Variants in ACBD3 observed in about 807,000 individuals in gnomAD.
The protein encoded by ACBD3 is Golgi resident protein GCP60.
A neutral mutation model predicts 66.9 loss-of-function variants in ACBD3; 30 were observed. The ratio of observed to expected loss-of-function variants is 0.45; its 90% CI spans 0.34 to 0.61. The LOEUF (loss-of-function observed/expected upper bound fraction) is 0.61, where lower values mean the gene tolerates loss of function less well. Ranked by LOEUF, ACBD3 falls within the 20% of genes least tolerant of loss-of-function variation. The probability of loss-of-function intolerance (pLI) is 0.02; values close to 1 mark genes in which losing one functional copy is unlikely to be tolerated. For missense variants in ACBD3, 544 were observed against 664.5 expected, an observed-to-expected ratio of 0.82 and a Z score of 1.99; for synonymous variants, 278 against 259.8, an observed-to-expected ratio of 1.07 and a Z score of -0.68.
intron 1 of ACBD3, among the ~76,000 whole-genome samples, chr1:226,184,974 A>G (rs563407966): frequency 1.3e-5 from 2 of 151,712 alleles, no homozygotes; most frequent in South Asian, 2.1e-4. Flanking sequence ...AAAAAAAAGG[A>G]ATTAGTTCAT....
intron 1 of ACBD3, among the ~76,000 whole-genome samples, chr1:226,171,121 G>T (rs1162666167): frequency 6.7e-6 from 1 of 150,320 alleles, no homozygotes; most frequent in Non-Finnish European, 1.5e-5. Flanking sequence ...TGAACTAGGC[G>T]CAGGGTCTTT....
intron 1 of ACBD3, among the ~76,000 whole-genome samples, chr1:226,171,953 T>C (rs1475164826): frequency 2.0e-5 from 3 of 151,364 alleles, no homozygotes; most frequent in African/African-American, 7.3e-5. Context: ...GTCAGGAGTT[T>C]GAGATCAGCC....
At chr1:226,158,686 G>C (rs963191631) in intron 5 of ACBD3, among the ~76,000 whole-genome samples, 2 of 152,228 alleles carry the variant, frequency 1.3e-5, no homozygotes, top group African/African-American at 4.8e-5. Flanking sequence ...GGGGCAGGCA[G>C]TTGGAGGAGG....
At chr1:226,179,230 T>C (rs1444830582) in intron 1 of ACBD3, among the ~76,000 whole-genome samples, 1 of 152,230 alleles carries the variant, frequency 6.6e-6, no homozygotes, top group Non-Finnish European at 1.5e-5. Flanking sequence ...AATCTTTGTA[T>C]AGTGCCTGCA....
At chr1:226,177,439 G>C (rs959952753) in intron 1 of ACBD3, among the ~76,000 whole-genome samples, 1 of 149,778 alleles carries the variant, frequency 6.7e-6, no homozygotes, top group Non-Finnish European at 1.5e-5. Flanking sequence ...TCGTAGATCC[G>C]CCTGCCTCAG....
intron 1 of ACBD3, among the ~76,000 whole-genome samples, chr1:226,173,639 A>G (rs1655918418): frequency 1.3e-5 from 2 of 151,994 alleles, no homozygotes; most frequent in Non-Finnish European, 2.9e-5. Context: ...TATGCAGACT[A>G]TTAGTATTAC....
chr1:226,177,675 C>T (rs774813210), intron 1 of ACBD3, among the ~76,000 whole-genome samples: 7 of 151,930 alleles, frequency 4.6e-5, no homozygotes, highest in Admixed American at 1.3e-4. Flanking sequence ...ACAGGTTGTC[C>T]GGTACACGTT....
Position 226,165,975 on chromosome 1 carries a change from T to C in ACBD3, c.312A>G (p.Pro104=). The change falls in exon 2 of 8, where the codon CCA becomes CCG. Residue 104 remains proline, a synonymous_variant. Transcript: ENST00000366812. ...CAAGCTTCAATTTTTCTTCATAAGT[T>C]GGATGAAATGCTTTGCCATCTTTTT... is the stretch of plus-strand genomic sequence containing the variant. The part of the protein sequence containing the change: ...FKEKDGKAFH[P]TYEEKLKLVA... 6.2e-7 allele frequency: 1 copy of C among 1,609,258 alleles called. No individual in the cohort carries two copies. The highest frequency in any genetic ancestry group is 8.5e-7 in the Non-Finnish European group (1 of 1,178,804).
At chr1:226,159,542 A>G (rs767730379) in intron 4 of ACBD3, among the ~76,000 whole-genome samples, 184 bp from the exon 5 acceptor site, 49 of 152,140 alleles carry the variant, frequency 3.2e-4, no homozygotes, top group Non-Finnish European at 5.9e-4. Context: ...CCTGGCCTCT[A>G]ATTTTTTACT....
At chr1:226,185,709 T>C (rs1338455043) in intron 1 of ACBD3, among the ~76,000 whole-genome samples, 4 of 152,168 alleles carry the variant, frequency 2.6e-5, no homozygotes, top group African/African-American at 9.7e-5. Context: ...AAGGTACTGT[T>C]AGGCCTTACT....
At chr1:226,159,086 C>G (rs969295685) in intron 5 of ACBD3, 98 bp downstream of exon 5, 1 of 1,405,602 alleles carries the variant, frequency 7.1e-7, no homozygotes, top group African/African-American at 1.4e-5. Context: ...TAGAGGCTAA[C>G]TAATGCAAAA....
At chr1:226,158,426 C>T (rs1202476563) in intron 5 of ACBD3, among the ~76,000 whole-genome samples, 1 of 152,176 alleles carries the variant, frequency 6.6e-6, no homozygotes, top group African/African-American at 2.4e-5. Flanking sequence ...GTACAAAAAT[C>T]GTTCACAGGG....
rs376041082 is a variant in ACBD3 at position 226,165,809 on chromosome 1, T to G, written c.428+50A>C. 533 of 1,578,454 alleles carry G rather than the reference T, an allele frequency of 3.4e-4. 3 individuals are homozygous for G. Among genetic ancestry groups the G allele is most frequent in the Middle Eastern group, 3.2e-3 (19 of 5,880 alleles). The stretch of plus-strand genomic sequence containing the variant: ...ACCTTAACCAATACACATTGTACCC[T>G]TTGCCAACATTATCCTCATTAAATT... On this transcript the variant is annotated intron_variant, in intron 2 of 7. Coordinates refer to ENST00000366812, the MANE Select transcript of ACBD3 (RefSeq NM_022735.4).
chr1:226,177,178 T>C (rs1031591633), intron 1 of ACBD3, among the ~76,000 whole-genome samples: 1 of 151,648 alleles, frequency 6.6e-6, no homozygotes, highest in Non-Finnish European at 1.5e-5. Flanking sequence ...TTTTTTTTTT[T>C]TTTTTTAGAC....
At chr1:226,174,669 G>A (rs1341500341) in intron 1 of ACBD3, among the ~76,000 whole-genome samples, 5 of 152,152 alleles carry the variant, frequency 3.3e-5, no homozygotes, top group Non-Finnish European at 7.3e-5. Context: ...GGGAGGCTGA[G>A]GCAGGAGAAT....
At position 226,161,676 on chromosome 1, in the gene ACBD3, C is replaced by T; in HGVS notation, c.583G>A (p.Glu195Lys). 6.3e-7 allele frequency: 1 copy of T among 1,595,716 alleles called. No homozygotes were observed. The highest frequency in any genetic ancestry group is 8.5e-7 in the Non-Finnish European group (1 of 1,170,894). The change falls in exon 4 of 8, where the codon GAG becomes AAG. Residue 195 changes from glutamate (E) to lysine (K), a missense_variant. This residue lies in a region of ACBD3 where 383 missense variants were observed against 462.4 expected (regional missense o/e 0.83). Coordinates refer to ENST00000366812, the MANE Select transcript of ACBD3 (RefSeq NM_022735.4). ...TCTTCCTCTTCACGCCGCCTTCGCT[C>T]CTCTTCCTCCTTCCTACAAGGCAAA... is the stretch of plus-strand genomic sequence containing the variant. ...EQEKKRKEEE[E>K]RRRREEEERE...
intron 1 of ACBD3, among the ~76,000 whole-genome samples, chr1:226,167,758 T>C (rs543010881): frequency 4.6e-5 from 7 of 152,194 alleles, no homozygotes; most frequent in South Asian, 2.1e-4. Context: ...GAGAAGAATA[T>C]GGGTTAAAGA....
chr1:226,171,151 A>ATT (rs34857781), intron 1 of ACBD3, among the ~76,000 whole-genome samples: 107 of 144,570 alleles, frequency 7.4e-4, no homozygotes, highest in African/African-American at 1.8e-3. Context: ...TAAGTAAACA[A>ATT]TTTTTTTTTT....
At position 226,144,809 on chromosome 1, in the gene ACBD3, C is replaced by T. The variant is rs543854499; in HGVS notation, c.*1801G>A. Reference sequence around the variant, plus strand: ...AACCAAAAATATTCTGACATGAACACATGACAGGAACCGCTGCTATGTAAA... The same window carrying T: ...AACCAAAAATATTCTGACATGAACATATGACAGGAACCGCTGCTATGTAAA... On this transcript the variant is annotated 3_prime_UTR_variant, in exon 8 of 8. Transcript: ENST00000366812. 4 of 152,714 alleles carry T rather than the reference C, an allele frequency of 2.6e-5. No homozygotes were observed. The highest frequency in any genetic ancestry group is 4.1e-4 in the South Asian group (2 of 4,820). 9.5% of individuals were successfully genotyped at this position (152,714 alleles called of 1,614,324 possible). A position where few individuals can be genotyped will look rare whatever the true frequency, so the allele number is the denominator to read the frequency against.
Sources: gnomAD v4.1 joint callset for allele counts (sites outside exome capture counted in the v4.1 genomes callset) on GRCh38, gnomAD v4.1.1 for gene constraint, gnomAD v4.1.1 regional missense constraint, MANE v1.5 for transcripts, NCBI Gene and HGNC (gene_info 2026-07-23, HGNC 2026-07-21) for gene names.